The following BRINP3 variants were observed in gnomAD, a reference collection of about 807,000 sequenced individuals.
BRINP3 encodes BMP/retinoic acid inducible neural specific 3.
In BRINP3, 19 loss-of-function variants were observed where a neutral mutation model predicts 71.0. The ratio of observed to expected loss-of-function variants is 0.27; its 90% CI spans 0.19 to 0.39. The LOEUF is 0.39. Among genes scored for constraint, BRINP3 ranks in the 10% least tolerant of loss-of-function variants. BRINP3 has a pLI of 1.00. For synonymous variants in BRINP3, 380 were observed against 337.7 expected (o/e 1.13, Z -1.37); for missense variants, 959 against 940.8 (o/e 1.02, Z -0.25).
At position 190,098,081 on chromosome 1, in the gene BRINP3, C is replaced by A; in HGVS notation, c.2238G>T (p.Leu746=). ...TTGGCAATTTGGCATTAAACGCCTG[C>A]AGAGCAGATTGGATCCTCACCACCT... is the stretch of plus-strand genomic sequence containing the variant. ...TSEVVRIQSA[L]QAFNAKLPNT... is the part of the protein sequence containing the mutation. Residue 746 remains leucine (L), a synonymous_variant, in exon 8 of 8, where the codon CTG becomes CTT. Transcript: ENST00000367462. 1.2e-6 allele frequency: 2 copies of A among 1,614,116 alleles called. No individual in the cohort carries two copies. The highest frequency in any genetic ancestry group is 1.7e-6 in the Non-Finnish European group (2 of 1,180,022).
chr1:190,322,650 C>G (rs1337159899), intron 2 of BRINP3, among the ~76,000 whole-genome samples: 1 of 151,988 alleles, frequency 6.6e-6, no homozygotes, highest in Non-Finnish European at 1.5e-5. Context: ...AAACCCTTGC[C>G]AAAGCCAACA....
intron 3 of BRINP3, among the ~76,000 whole-genome samples, chr1:190,274,129 C>T (rs1363405490): frequency 6.6e-6 from 1 of 151,492 alleles, no homozygotes; most frequent in Non-Finnish European, 1.5e-5. Flanking sequence ...TGGCATGTTG[C>T]AAAAGAGTCC....
chr1:190,119,494 T>C (rs1202968620), intron 7 of BRINP3, among the ~76,000 whole-genome samples: 1 of 152,044 alleles, frequency 6.6e-6, no homozygotes, highest in Non-Finnish European at 1.5e-5. Flanking sequence ...CGGGGGGTCT[T>C]GAAAGTCTGA....
In BRINP3 at chr1:190,377,361, C is replaced by G. The variant is rs578056192; in HGVS notation, c.236+77294G>C. On this transcript the variant is annotated intron_variant, in intron 2 of 7. Transcript: ENST00000367462. Reference sequence around the variant, plus strand: ...AACCTTTAAAAATCAAATCAACAAACACAATACTTAATGGTGAATGACTGA... The same window carrying G: ...AACCTTTAAAAATCAAATCAACAAAGACAATACTTAATGGTGAATGACTGA... Among the ~76,000 whole-genome samples the G allele has an allele frequency of 2.0e-5, 3 of 152,000 alleles. No individual in the cohort carries two copies. The South Asian group carries it at 6.2e-4, about 32-fold the overall frequency.
chr1:190,313,582 T>C lies in BRINP3; in HGVS notation c.237-31832A>G, dbSNP rs146912175. The stretch of plus-strand genomic sequence containing the variant: ...TCTGTTCAGTTTTACATTTTGCAAA[T>C]TTTTATTCTTACAACATCATCAACA... On this transcript the variant is annotated intron_variant, in intron 2 of 7. Coordinates refer to ENST00000367462, the MANE Select transcript of BRINP3 (RefSeq NM_199051.3). Among the ~76,000 whole-genome samples the C allele has an allele frequency of 1.6e-3, 241 of 152,120 alleles. 1 individual carries two copies. Among genetic ancestry groups the C allele is most frequent in the African/African-American group, 5.0e-3 (208 of 41,546 alleles).
intron 2 of BRINP3, among the ~76,000 whole-genome samples, chr1:190,369,921 A>G (rs1669752646): frequency 6.6e-6 from 1 of 152,196 alleles, no homozygotes; most frequent in Non-Finnish European, 1.5e-5. Context: ...ATACATTTGC[A>G]CTTTTGCAAA....
intron 3 of BRINP3, among the ~76,000 whole-genome samples, chr1:190,278,111 GA>G: frequency 6.6e-6 from 1 of 151,710 alleles, no homozygotes; most frequent in South Asian, 2.1e-4. Flanking sequence ...ACTCTTAGGG[GA>G]AAAAGCCATT....
chr1:190,144,732 A>T (rs959646668), intron 7 of BRINP3, among the ~76,000 whole-genome samples: 3 of 152,104 alleles, frequency 2.0e-5, no homozygotes, highest in African/African-American at 7.2e-5. Flanking sequence ...TGGGTATTTT[A>T]TCACTTTTCC....
chr1:190,468,231 CATG>C (rs1468534482), intron 1 of BRINP3, among the ~76,000 whole-genome samples: 1 of 151,114 alleles, frequency 6.6e-6, no homozygotes, highest in Non-Finnish European at 1.5e-5. Flanking sequence ...ATTAAAGAAT[CATG>C]ATAATAAACT....
At chr1:190,298,758 G>A (rs533496108) in intron 2 of BRINP3, among the ~76,000 whole-genome samples, 1 of 151,828 alleles carries the variant, frequency 6.6e-6, no homozygotes, top group Non-Finnish European at 1.5e-5. Context: ...CATGTGACCC[G>A]GGGGCCCTGA....
chr1:190,332,113 A>G (rs1558188961), intron 2 of BRINP3, among the ~76,000 whole-genome samples: 1 of 152,064 alleles, frequency 6.6e-6, no homozygotes, highest in Non-Finnish European at 1.5e-5. Context: ...ATAATTATAT[A>G]TGCCTATTTT....
chr1:190,207,933 A>ATGTGTAATACATAT (rs1365815753), intron 6 of BRINP3, among the ~76,000 whole-genome samples: 3 of 152,012 alleles, frequency 2.0e-5, no homozygotes, highest in East Asian at 1.9e-4. Context: ...TCTAGGTAAA[A>ATGTGTAATACATAT]TGTGTAATAC....
chr1:190,459,744 A>G (rs781661401), intron 1 of BRINP3, among the ~76,000 whole-genome samples: 2 of 152,032 alleles, frequency 1.3e-5, no homozygotes, highest in Non-Finnish European at 2.9e-5. Flanking sequence ...TCAGGAACTA[A>G]AACCTGCTGA....
At chr1:190,226,577 T>C (rs1026728274) in intron 5 of BRINP3, among the ~76,000 whole-genome samples, 2 of 151,964 alleles carry the variant, frequency 1.3e-5, no homozygotes, top group Admixed American at 6.6e-5. Context: ...CTCAGACTAT[T>C]TGATGTAATT....
intron 2 of BRINP3, among the ~76,000 whole-genome samples, chr1:190,320,184 A>G (rs965516950): frequency 1.3e-5 from 2 of 152,120 alleles, no homozygotes; most frequent in African/African-American, 2.4e-5. Flanking sequence ...TAAAAACACC[A>G]CCAAACTTCC....
chr1:190,208,315 T>C (rs1655694640), intron 6 of BRINP3, among the ~76,000 whole-genome samples: 1 of 151,884 alleles, frequency 6.6e-6, no homozygotes, highest in African/African-American at 2.4e-5. Context: ...ATATTTATTT[T>C]TATCATGAGG....
chr1:190,417,973 T>C (rs549306835), intron 2 of BRINP3, among the ~76,000 whole-genome samples: 28 of 152,196 alleles, frequency 1.8e-4, no homozygotes, highest in Non-Finnish European at 3.4e-4. Flanking sequence ...AGAAGTTTCC[T>C]CTATGAATTT....
chr1:190,409,374 T>C (rs1010139259), intron 2 of BRINP3, among the ~76,000 whole-genome samples: 1 of 152,230 alleles, frequency 6.6e-6, no homozygotes, highest in Admixed American at 6.5e-5. Flanking sequence ...GGACACAGCA[T>C]AGTTTAGAAA....
At chr1:190,245,992 C>T (rs184909072) in intron 4 of BRINP3, among the ~76,000 whole-genome samples, 33 of 151,926 alleles carry the variant, frequency 2.2e-4, no homozygotes, top group East Asian at 7.8e-4. Context: ...TTTTCTTAAT[C>T]CAGTTTATCA....
Sources: gnomAD v4.1 joint callset for allele counts (sites outside exome capture counted in the v4.1 genomes callset) on GRCh38, gnomAD v4.1.1 for gene constraint, MANE v1.5 for transcripts, NCBI Gene and HGNC (gene_info 2026-07-23, HGNC 2026-07-21) for gene names.